Variants in ROBO2 observed in about 807,000 individuals in gnomAD.
ROBO2 encodes the protein roundabout guidance receptor 2, also known as roundabout homolog 2.
ROBO2 carries 53 observed loss-of-function variants against 160.8 expected under a neutral mutation model. The ratio of observed to expected loss-of-function variants is 0.33; its 90% CI spans 0.26 to 0.41. The LOEUF (loss-of-function observed/expected upper bound fraction) is 0.41, where lower values mean the gene tolerates loss of function less well. Ranked by LOEUF, ROBO2 falls within the 10% of genes least tolerant of loss-of-function variation. The pLI is 1.00. For missense variants in ROBO2, 1,577 were observed against 1,722.4 expected (o/e 0.92, Z 1.49); for synonymous variants, 664 against 611.7 (o/e 1.09, Z -1.26).
intron 2 of ROBO2, among the ~76,000 whole-genome samples, chr3:76,997,752 G>T (rs2061102698): frequency 6.6e-6 from 1 of 152,140 alleles, no homozygotes; most frequent in Non-Finnish European, 1.5e-5. Flanking sequence ...CATAAGTATT[G>T]ACAACAAAAC....
chr3:77,633,904 A>G (rs1265443466), intron 23 of ROBO2: 1 of 152,228 alleles, frequency 6.6e-6, no homozygotes, highest in Non-Finnish European at 1.5e-5. Context: ...AGAAGGCACA[A>G]GTGCATTTCC....
At chr3:76,994,407 T>C (rs1490576674) in intron 2 of ROBO2, among the ~76,000 whole-genome samples, 3 of 152,134 alleles carry the variant, frequency 2.0e-5, no homozygotes, top group African/African-American at 7.2e-5. Flanking sequence ...ATTGGGAAAG[T>C]TGGAAACTGC....
intron 4 of ROBO2, among the ~76,000 whole-genome samples, chr3:77,487,338 A>C (rs959377067): frequency 1.3e-5 from 2 of 152,150 alleles, no homozygotes; most frequent in African/African-American, 4.8e-5. Flanking sequence ...CCCTGCTCTC[A>C]CCTGGACTCT....
At chr3:77,049,095 G>A (rs1162960706) in intron 1 of ROBO2, among the ~76,000 whole-genome samples, 1 of 152,198 alleles carries the variant, frequency 6.6e-6, no homozygotes, top group South Asian at 2.1e-4. Context: ...TTGGGAGGCT[G>A]AAGCTGAAGG....
intron 2 of ROBO2, among the ~76,000 whole-genome samples, chr3:76,742,986 G>A (rs1355968324): frequency 6.6e-6 from 1 of 151,994 alleles, no homozygotes; most frequent in Admixed American, 6.6e-5. Context: ...CTTTCAATTG[G>A]CATGGTCTTT....
intron 2 of ROBO2, among the ~76,000 whole-genome samples, chr3:76,619,348 A>G (rs1159652442): frequency 6.6e-6 from 1 of 151,806 alleles, no homozygotes; most frequent in Non-Finnish European, 1.5e-5. Flanking sequence ...TCAAAAAAAA[A>G]AAAAGAAAAA....
chr3:77,131,768 C>G (rs1030733856), intron 2 of ROBO2, among the ~76,000 whole-genome samples: 2 of 151,994 alleles, frequency 1.3e-5, no homozygotes, highest in East Asian at 1.9e-4. Flanking sequence ...AGCATAGTCT[C>G]CATTCTCTTT....
intron 2 of ROBO2, among the ~76,000 whole-genome samples, chr3:76,531,012 A>G (rs527465387): frequency 1.3e-5 from 2 of 152,326 alleles, no homozygotes; most frequent in East Asian, 3.9e-4. Context: ...TTACACTAAG[A>G]TATAAAAAGT....
At chr3:77,189,798 A>G (rs1332132541) in intron 2 of ROBO2, among the ~76,000 whole-genome samples, 1 of 151,948 alleles carries the variant, frequency 6.6e-6, no homozygotes, top group African/African-American at 2.4e-5. Flanking sequence ...AATGCTTTCT[A>G]TATGCCAGAT....
chr3:76,065,761 A>G lies in ROBO2; in HGVS notation c.109+128159A>G, dbSNP rs1179956854. Among the ~76,000 whole-genome samples, 181 of 150,300 alleles carry G rather than the reference A, an allele frequency of 1.2e-3. 1 individual carries two copies. The highest frequency in any genetic ancestry group is 4.7e-3 in the Admixed American group (71 of 15,044). On this transcript the variant is annotated intron_variant, in intron 2 of 26. Transcript: ENST00000487694. ...AATATATATATATATATACACACAC[A>G]CACACACACATATATGCTGCCATTT...
chr3:77,638,049 T>C (rs1337125378), intron 24 of ROBO2, among the ~76,000 whole-genome samples: 3 of 152,234 alleles, frequency 2.0e-5, no homozygotes, highest in Non-Finnish European at 2.9e-5. Context: ...TCTTCCCAAG[T>C]GCTTAATCCA....
intron 2 of ROBO2, among the ~76,000 whole-genome samples, chr3:77,199,620 ATTTTTTTTTT>A (rs66672194): frequency 1.3e-3 from 153 of 118,170 alleles, no homozygotes; most frequent in Admixed American, 2.2e-3. Flanking sequence ...CTCAGTCACC[ATTTTTTTTTT>A]TTTTTTTTTT....
At chr3:77,322,948 T>C (rs1325876745) in intron 2 of ROBO2, among the ~76,000 whole-genome samples, 2 of 131,592 alleles carry the variant, frequency 1.5e-5, no homozygotes, top group East Asian at 4.5e-4. Context: ...TATATTATAT[T>C]ATATTATGGA....
chr3:76,546,034 C>T (rs1006358647), intron 2 of ROBO2, among the ~76,000 whole-genome samples: 31 of 151,724 alleles, frequency 2.0e-4, no homozygotes, highest in African/African-American at 5.8e-4. Flanking sequence ...GGCTAAGTTC[C>T]CATCCACAGT....
intron 2 of ROBO2, among the ~76,000 whole-genome samples, chr3:77,410,696 C>T (rs1450344881): frequency 3.0e-5 from 4 of 134,392 alleles, no homozygotes; most frequent in Admixed American, 2.9e-4. Flanking sequence ...CTTCCTCCTC[C>T]TCTTCCTCCT....
rs142604587 is a variant in ROBO2, at chr3:76,527,817, A to G, written c.110-570197A>G. 5.0e-3 allele frequency among the ~76,000 whole-genome samples: 754 copies of G among 152,262 alleles called. 30 individuals are homozygous for G. The East Asian group carries it at 0.09, about 18-fold the overall frequency. On this transcript the variant is annotated intron_variant, in intron 2 of 26. Transcript: ENST00000487694. The stretch of plus-strand genomic sequence containing the variant: ...TAGTTTTAGATAAGATGGTCAGGAA[A>G]GGATTCATAAAAGCTTTTACCAAAG...
At chr3:76,810,991 G>C (rs1319610645) in intron 2 of ROBO2, among the ~76,000 whole-genome samples, 1 of 152,140 alleles carries the variant, frequency 6.6e-6, no homozygotes, top group Admixed American at 6.6e-5. Flanking sequence ...TGATTTATCA[G>C]TTAATCAGTG....
intron 2 of ROBO2, among the ~76,000 whole-genome samples, chr3:76,000,575 G>A (rs540347055): frequency 1.7e-3 from 242 of 142,480 alleles, no homozygotes; most frequent in African/African-American, 4.5e-3. Context: ...TGCAAGCTCC[G>A]CCTCCCGGGT....
intron 2 of ROBO2, among the ~76,000 whole-genome samples, chr3:77,113,808 C>G (rs2073929127): frequency 6.6e-6 from 1 of 152,158 alleles, no homozygotes; most frequent in Non-Finnish European, 1.5e-5. Flanking sequence ...TTAACGGAAG[C>G]TTTCTCATAA....
Sources: allele counts gnomAD v4.1 joint callset (sites outside exome capture counted in the v4.1 genomes callset), GRCh38; gene constraint gnomAD v4.1.1; transcripts MANE v1.5; gene names NCBI Gene and HGNC (gene_info 2026-07-23, HGNC 2026-07-21).